Variants in HSPA12A observed in about 807,000 individuals in gnomAD.
HSPA12A encodes the protein heat shock protein family A (Hsp70) member 12A, also known as heat shock 70 kDa protein 12A.
HSPA12A carries 28 observed loss-of-function variants against 69.2 expected under a neutral mutation model. That is an observed-to-expected ratio of 0.40 (90% CI 0.30 to 0.55). The LOEUF is 0.55. Among genes scored for constraint, HSPA12A ranks in the 20% least tolerant of loss-of-function variants. The pLI, the probability that HSPA12A is intolerant of heterozygous loss-of-function variation, is 0.38. For synonymous variants in HSPA12A, 345 were observed against 370.5 expected, an observed-to-expected ratio of 0.93 and a Z score of 0.79; for missense variants, 686 against 900.7, an observed-to-expected ratio of 0.76 and a Z score of 3.05.
intron 1 of HSPA12A, among the ~76,000 whole-genome samples, chr10:116,709,683 CA>C (rs1850367978): frequency 6.6e-6 from 1 of 151,758 alleles, no homozygotes; most frequent in South Asian, 2.1e-4. Flanking sequence ...GAGAGGTGAC[CA>C]GGGGTAAGAG....
intron 1 of HSPA12A, among the ~76,000 whole-genome samples, chr10:116,727,752 GTTT>G (rs71859215): frequency 2.3e-5 from 3 of 131,382 alleles, no homozygotes; most frequent in African/African-American, 8.5e-5. Flanking sequence ...ATGTAAGTGG[GTTT>G]TTTTTTTTTT....
chr10:116,801,573 A>C (rs1392465601), intron 2 of HSPA12A, among the ~76,000 whole-genome samples: 1 of 152,176 alleles, frequency 6.6e-6, no homozygotes, highest in African/African-American at 2.4e-5. Context: ...TCTAAATTCA[A>C]GCATTCCCAC....
chr10:116,753,518 A>G (rs924599619), intron 2 of HSPA12A, among the ~76,000 whole-genome samples: 2 of 152,102 alleles, frequency 1.3e-5, no homozygotes, highest in Non-Finnish European at 2.9e-5. Context: ...TGAGGACAAA[A>G]ATCATACTTA....
chr10:116,734,353 G>A (rs1345081845), intron 1 of HSPA12A, among the ~76,000 whole-genome samples: 2 of 151,576 alleles, frequency 1.3e-5, no homozygotes, highest in Admixed American at 1.3e-4. Context: ...GGGAAGCTGA[G>A]GCAGAAGAAT....
At chr10:116,702,739 G>A (rs1314843827) in intron 3 of HSPA12A, among the ~76,000 whole-genome samples, 4 of 151,896 alleles carry the variant, frequency 2.6e-5, no homozygotes, top group African/African-American at 9.7e-5. Context: ...TTCCCACTTA[G>A]TACAAAAAAA....
At chr10:116,848,914 CA>C (rs1267046722) in intron 1 of HSPA12A, among the ~76,000 whole-genome samples, 5 of 152,230 alleles carry the variant, frequency 3.3e-5, no homozygotes, top group African/African-American at 1.2e-4. Flanking sequence ...CAGAGAAGGG[CA>C]AGTGGCCGTT....
chr10:116,680,775 G>A (rs138437641), intron 9 of HSPA12A, among the ~76,000 whole-genome samples: 12 of 152,304 alleles, frequency 7.9e-5, no homozygotes, highest in East Asian at 1.9e-4. Flanking sequence ...GTGAGCCACC[G>A]CACTTGGCCA....
At chr10:116,724,024 C>CA (rs1312237365) in intron 1 of HSPA12A, among the ~76,000 whole-genome samples, 29 of 152,354 alleles carry the variant, frequency 1.9e-4, no homozygotes, top group Admixed American at 1.7e-3. Context: ...TTTAGAAAGA[C>CA]AGAGTTTGGG....
intron 2 of HSPA12A, among the ~76,000 whole-genome samples, chr10:116,784,697 T>C (rs547481823): frequency 3.4e-4 from 52 of 152,330 alleles, no homozygotes; most frequent in African/African-American, 9.6e-4. Context: ...GCCCTTGCAG[T>C]TGGGGACTTG....
intron 2 of HSPA12A, among the ~76,000 whole-genome samples, chr10:116,767,954 A>G (rs1319623211): frequency 6.6e-6 from 1 of 152,206 alleles, no homozygotes; most frequent in Non-Finnish European, 1.5e-5. Flanking sequence ...CAGTTCCTCA[A>G]AAAGTTAAAC....
intron 10 of HSPA12A, among the ~76,000 whole-genome samples, chr10:116,677,577 C>T (rs1849276806): frequency 6.6e-6 from 1 of 152,186 alleles, no homozygotes; most frequent in South Asian, 2.1e-4. Context: ...GGGCAGAGAA[C>T]ATCAGCCCAG....
At chr10:116,744,311 C>T (rs1256696459), upstream of HSPA12A, among the ~76,000 whole-genome samples, 1 of 152,242 alleles carries the variant, frequency 6.6e-6, no homozygotes, top group East Asian at 1.9e-4. Flanking sequence ...TGCCCAACTC[C>T]AGGAAGGCTC....
chr10:116,842,494 C>G (rs992032102), intron 1 of HSPA12A, among the ~76,000 whole-genome samples: 2 of 152,116 alleles, frequency 1.3e-5, no homozygotes, highest in South Asian at 2.1e-4. Flanking sequence ...TTATAGGTAT[C>G]CTTTTGCTTT....
At chr10:116,783,006 A>G (rs1276836024) in intron 2 of HSPA12A, among the ~76,000 whole-genome samples, 4 of 152,178 alleles carry the variant, frequency 2.6e-5, no homozygotes, top group African/African-American at 9.7e-5. Flanking sequence ...AAAGAAGGGA[A>G]ATGACAAATG....
intron 2 of HSPA12A, among the ~76,000 whole-genome samples, chr10:116,788,160 G>T (rs766118859): frequency 6.6e-6 from 1 of 152,290 alleles, no homozygotes; most frequent in Non-Finnish European, 1.5e-5. Context: ...TGGCCGAGCC[G>T]ACCAAAGCAC....
At position 116,683,859 on chromosome 10, in the gene HSPA12A, T is replaced by C. The variant is rs782657038; in HGVS notation, c.767A>G (p.Glu256Gly). 1.5e-5 allele frequency: 24 copies of C among 1,598,308 alleles called. 1 individual carries two copies. In the East Asian group the frequency reaches 4.3e-4, roughly 28 times the overall value. ...ATTGACGGCTGCCTTGCTGCTCAGCTCAATCATCTGGTGTAGCCGCAGCTT... is the reference window on the plus strand; with the variant it reads ...ATTGACGGCTGCCTTGCTGCTCAGCCCAATCATCTGGTGTAGCCGCAGCTT... Reference protein sequence around the residue: ...CRKLRLHQMIELSSKAAVNGY... With the variant: ...CRKLRLHQMIGLSSKAAVNGY... Residue 256 changes from glutamate (E) to glycine (G), a missense_variant, in exon 7 of 12, where the codon GAG (glutamate) becomes GGG (glycine). By Grantham distance (98) the Glu-to-Gly change is moderately conservative. Transcript: ENST00000369209.
chr10:116,837,616 A>G (rs1033720245), intron 1 of HSPA12A, among the ~76,000 whole-genome samples: 1 of 151,950 alleles, frequency 6.6e-6, no homozygotes, highest in African/African-American at 2.4e-5. Context: ...ATAGCTGAAC[A>G]TATGTGCAGC....
chr10:116,691,947 G>A (rs1286366035), intron 6 of HSPA12A, among the ~76,000 whole-genome samples: 1 of 152,224 alleles, frequency 6.6e-6, no homozygotes, highest in Non-Finnish European at 1.5e-5. Flanking sequence ...GTGGCCAATG[G>A]CCTTGGCTTG....
chr10:116,814,931 T>C (rs1205221232), intron 2 of HSPA12A, among the ~76,000 whole-genome samples: 1 of 152,180 alleles, frequency 6.6e-6, no homozygotes, highest in Admixed American at 6.5e-5. Context: ...CTTAGTTTCC[T>C]AAAACCCATC....
Sources: allele counts gnomAD v4.1 joint callset (sites outside exome capture counted in the v4.1 genomes callset), GRCh38; gene constraint gnomAD v4.1.1; transcripts MANE v1.5; gene names NCBI Gene and HGNC (gene_info 2026-07-23, HGNC 2026-07-21).